Variants in RABGAP1L observed in about 807,000 individuals in gnomAD.
RABGAP1L encodes the protein RAB GTPase activating protein 1 like.
RABGAP1L carries 63 observed loss-of-function variants against 137.7 expected under a neutral mutation model. That is an observed-to-expected ratio of 0.46 (90% CI 0.37 to 0.56). RABGAP1L has a LOEUF of 0.56. Ranked by LOEUF, RABGAP1L falls within the 20% of genes least tolerant of loss-of-function variation. The probability of loss-of-function intolerance (pLI) is 0.00; values close to 1 mark genes in which losing one functional copy is unlikely to be tolerated. For missense variants in RABGAP1L, 1,095 were observed against 1,244.0 expected, an observed-to-expected ratio of 0.88 and a Z score of 1.80; for synonymous variants, 431 against 433.7, an observed-to-expected ratio of 0.99 and a Z score of 0.08.
chr1:174,989,569 C>G (rs991314825), intron 25 of RABGAP1L, among the ~76,000 whole-genome samples: 80 of 152,270 alleles, frequency 5.3e-4, no homozygotes, highest in African/African-American at 1.8e-3. Context: ...TATCGGATTG[C>G]AACCTAAACC....
intron 19 of RABGAP1L, chr1:174,849,949 C>T: frequency 1.4e-6 from 1 of 697,546 alleles, no homozygotes; most frequent in South Asian, 1.3e-5. Context: ...GACACAGGAT[C>T]TTTGGAATCA....
chr1:174,293,139 C>A (rs1162096190), intron 10 of RABGAP1L, among the ~76,000 whole-genome samples: 2 of 151,392 alleles, frequency 1.3e-5, no homozygotes, highest in Non-Finnish European at 2.9e-5. Flanking sequence ...AACTTTTTTT[C>A]ATGAACAGTA....
At chr1:174,804,524 G>A (rs1016547466) in intron 18 of RABGAP1L, among the ~76,000 whole-genome samples, 6 of 152,158 alleles carry the variant, frequency 3.9e-5, no homozygotes, top group East Asian at 1.9e-4. Flanking sequence ...TCTTGCCAAC[G>A]CTGGTCTAAA....
At chr1:174,667,493 T>C (rs937337461) in intron 14 of RABGAP1L, among the ~76,000 whole-genome samples, 9 of 152,222 alleles carry the variant, frequency 5.9e-5, no homozygotes, top group Non-Finnish European at 1.0e-4. Context: ...CTCATAGGAC[T>C]TGTGAGATTA....
chr1:174,884,074 G>A (rs1654688601), intron 19 of RABGAP1L, among the ~76,000 whole-genome samples: 1 of 152,222 alleles, frequency 6.6e-6, no homozygotes, highest in Non-Finnish European at 1.5e-5. Context: ...ATCACGGTAA[G>A]AGAATTGATT....
At chr1:174,835,357 G>A (rs189331501) in intron 19 of RABGAP1L, among the ~76,000 whole-genome samples, 6 of 152,288 alleles carry the variant, frequency 3.9e-5, no homozygotes, top group East Asian at 1.9e-4. Context: ...AGTTGAACTC[G>A]TAATCGAACA....
chr1:174,602,294 A>G (rs749066950), intron 13 of RABGAP1L, among the ~76,000 whole-genome samples: 12 of 152,304 alleles, frequency 7.9e-5, no homozygotes, highest in East Asian at 3.9e-4. Flanking sequence ...GGCTAAAGGC[A>G]CCTCTTAAGT....
intron 19 of RABGAP1L, among the ~76,000 whole-genome samples, chr1:174,878,922 A>ATT (rs1553270633): frequency 4.7e-5 from 5 of 105,332 alleles, no homozygotes; most frequent in Non-Finnish European, 7.5e-5. Context: ...TTTTTTGTGC[A>ATT]TTGTTTTTTT....
chr1:174,161,251 A>ATTG (rs1223346316), intron 1 of RABGAP1L, among the ~76,000 whole-genome samples: 9 of 145,046 alleles, frequency 6.2e-5, no homozygotes, highest in Non-Finnish European at 1.3e-4. Context: ...TATTATTATT[A>ATTG]TTATTTTTGA....
chr1:174,957,864 C>A, intron 20 of RABGAP1L: 1 of 1,550,476 alleles, frequency 6.4e-7, no homozygotes, highest in Non-Finnish European at 8.8e-7. Flanking sequence ...TCCCAAATAG[C>A]CAACCATAAT....
chr1:174,953,613 G>A (rs1668062665), intron 19 of RABGAP1L, among the ~76,000 whole-genome samples: 1 of 152,174 alleles, frequency 6.6e-6, no homozygotes, highest in Non-Finnish European at 1.5e-5. Context: ...AACGCTCTGA[G>A]TATTATCATC....
chr1:174,735,462 C>T (rs1273156691), intron 17 of RABGAP1L, among the ~76,000 whole-genome samples: 3 of 149,248 alleles, frequency 2.0e-5, no homozygotes, highest in Non-Finnish European at 4.5e-5. Flanking sequence ...TACCTGAGAC[C>T]GGGGCTGGGC....
chr1:174,851,578 A>C (rs779861191), intron 19 of RABGAP1L, among the ~76,000 whole-genome samples: 9 of 151,890 alleles, frequency 5.9e-5, no homozygotes, highest in African/African-American at 9.7e-5. Flanking sequence ...CTGGAGTACA[A>C]TCACCACTTA....
intron 19 of RABGAP1L, among the ~76,000 whole-genome samples, chr1:174,899,105 G>A (rs1657708689): frequency 6.6e-6 from 1 of 152,116 alleles, no homozygotes; most frequent in African/African-American, 2.4e-5. Context: ...AAGAGAATGA[G>A]GCTATGGGGA....
intron 1 of RABGAP1L, among the ~76,000 whole-genome samples, chr1:174,171,142 A>G (rs1381583445): frequency 6.6e-6 from 1 of 152,206 alleles, no homozygotes; most frequent in Non-Finnish European, 1.5e-5. Flanking sequence ...TATGTAAATA[A>G]CAGGTGACCT....
At chr1:174,461,606 T>G (rs1203389156) in intron 13 of RABGAP1L, among the ~76,000 whole-genome samples, 1 of 152,188 alleles carries the variant, frequency 6.6e-6, no homozygotes, top group Non-Finnish European at 1.5e-5. Flanking sequence ...TTGAATTTAA[T>G]TGTCAGAGTT....
chr1:174,990,299 GC>G lies in RABGAP1L; in HGVS notation c.*299del, dbSNP rs2149402222. Reference sequence around the variant, plus strand: ...GGAAATAAGTAATTCAGAACTAAATGCTTTTTTATTTAGAATTATTCATAAT... The same window carrying G: ...GGAAATAAGTAATTCAGAACTAAATGTTTTTTATTTAGAATTATTCATAAT... On this transcript the variant is annotated 3_prime_UTR_variant, in exon 26 of 26. Coordinates refer to ENST00000681986, the MANE Select transcript of RABGAP1L (RefSeq NM_001366446.1). The G allele has an allele frequency of 4.1e-6, 1 of 244,666 alleles. No individual in the cohort carries two copies. Among genetic ancestry groups the G allele is most frequent in the African/African-American group, 2.2e-5 (1 of 44,852 alleles). 15.2% of individuals were successfully genotyped at this position (244,666 alleles called of 1,614,324 possible).
intron 17 of RABGAP1L, among the ~76,000 whole-genome samples, chr1:174,720,459 G>A (rs1397865231): frequency 6.6e-6 from 1 of 152,012 alleles, no homozygotes; most frequent in African/African-American, 2.4e-5. Context: ...GACTACAGGT[G>A]CATGCCACTA....
At chr1:174,774,878 C>T (rs1686406663) in intron 18 of RABGAP1L, among the ~76,000 whole-genome samples, 2 of 152,164 alleles carry the variant, frequency 1.3e-5, no homozygotes, top group South Asian at 2.1e-4. Context: ...GACCCTGTCT[C>T]AGAAAAAGAA....
Sources: gnomAD v4.1 joint callset for allele counts (sites outside exome capture counted in the v4.1 genomes callset) on GRCh38, gnomAD v4.1.1 for gene constraint, MANE v1.5 for transcripts, NCBI Gene and HGNC (gene_info 2026-07-23, HGNC 2026-07-21) for gene names.